Variants in SPAG6 observed in about 807,000 individuals in gnomAD.
The protein encoded by SPAG6 is sperm associated antigen 6.
Under a neutral mutation model 58.5 loss-of-function variants are expected in SPAG6, and 49 were observed. The observed-to-expected ratio is 0.84, with a 90% confidence interval of 0.67 to 1.06. The LOEUF (loss-of-function observed/expected upper bound fraction) is 1.06. Among genes scored for constraint, SPAG6 ranks in the 50% least tolerant of loss-of-function variants. SPAG6 has a pLI of 0.00. For missense variants in SPAG6, 560 were observed against 611.3 expected (o/e 0.92, Z 0.89); for synonymous variants, 233 against 225.6 (o/e 1.03, Z -0.29).
At chr10:22,368,427 G>T in intron 3 of SPAG6, 68 bp from the exon 4 acceptor site, 1 of 1,238,462 alleles carries the variant, frequency 8.1e-7, no homozygotes, top group Non-Finnish European at 1.1e-6. Flanking sequence ...TGTAGTTTTG[G>T]TCTATTTTAG....
intron 8 of SPAG6, among the ~76,000 whole-genome samples, chr10:22,398,896 G>A (rs774463072): frequency 3.9e-5 from 6 of 152,010 alleles, no homozygotes; most frequent in South Asian, 2.1e-4. Flanking sequence ...TCAGCTTACC[G>A]CAACCTCCGC....
At chr10:22,378,186 C>T (rs1346774466) in intron 4 of SPAG6, among the ~76,000 whole-genome samples, 2 of 151,254 alleles carry the variant, frequency 1.3e-5, no homozygotes, top group African/African-American at 4.9e-5. Flanking sequence ...ACCTCAGCCT[C>T]TCGAGTAGCT....
intron 2 of SPAG6, among the ~76,000 whole-genome samples, chr10:22,353,606 T>C (rs950589905): frequency 2.6e-5 from 4 of 152,262 alleles, no homozygotes; most frequent in African/African-American, 9.6e-5. Flanking sequence ...TGCACATTAA[T>C]TTCCACAGCT....
At chr10:22,365,864 TATC>T (rs771570051) in intron 3 of SPAG6, among the ~76,000 whole-genome samples, 11 of 152,094 alleles carry the variant, frequency 7.2e-5, no homozygotes, top group Non-Finnish European at 4.4e-5. Context: ...CACAATGAGG[TATC>T]ACTTCATACC....
At chr10:22,356,869 C>A (rs73596602) in intron 2 of SPAG6, among the ~76,000 whole-genome samples, 1,669 of 152,236 alleles carry the variant, frequency 0.011, 41 homozygotes, top group African/African-American at 0.038. Flanking sequence ...TCAGAGTGAT[C>A]CTTCTTTACA....
intron 4 of SPAG6, among the ~76,000 whole-genome samples, chr10:22,375,670 C>T (rs1304265243): frequency 6.6e-6 from 1 of 150,558 alleles, no homozygotes; most frequent in East Asian, 1.9e-4. Context: ...CTTCCCCCTC[C>T]CAGGTTCAAG....
Position 22,395,205 on chromosome 10 carries a change from A to T in SPAG6, c.1197+3285A>T, listed in dbSNP as rs111430128. Among the ~76,000 whole-genome samples, 265 of 152,326 alleles carry T rather than the reference A, an allele frequency of 1.7e-3. 4 individuals are homozygous for T. The highest frequency in any genetic ancestry group is 5.8e-3 in the African/African-American group (241 of 41,580). ...ACTATTATGAATAATGCTGTTATAA[A>T]CATTATTGTAACAAGTTTTCGTGTG... On this transcript the variant is annotated intron_variant, in intron 8 of 10. Transcript: ENST00000376624.
rs1257765885 is a variant in SPAG6 at position 22,391,800 on chromosome 10, C to G, written c.1077C>G (p.Ala359=). The G allele has an allele frequency of 6.2e-7, 1 of 1,613,584 alleles. No individual in the cohort carries two copies. Among genetic ancestry groups the G allele is most frequent in the African/African-American group, 1.3e-5 (1 of 74,952 alleles). The change falls in exon 8 of 11, where the codon GCC becomes GCG. Residue 359 remains alanine (A), a synonymous_variant. Transcript: ENST00000376624. ...EDHIKAAAAW[A]LGQIGRHTPE... ...ATATTAAGGCTGCAGCTGCTTGGGC[C>G]TTAGGACAGATTGGAAGACACACTC...
chr10:22,391,930 T>A lies in SPAG6; in HGVS notation c.1197+10T>A. Reference sequence around the variant, plus strand: ...GGATCTCCAAGTAAAAGTAAGTGCTTAATTCTGTTTTATGAAGATTTTGGC... The same window carrying A: ...GGATCTCCAAGTAAAAGTAAGTGCTAAATTCTGTTTTATGAAGATTTTGGC... On this transcript the variant is annotated intron_variant, in intron 8 of 10. Coordinates refer to ENST00000376624, the MANE Select transcript of SPAG6 (RefSeq NM_012443.4). The A allele has an allele frequency of 6.3e-7, 1 of 1,586,314 alleles. No homozygotes were observed. Among genetic ancestry groups the A allele is most frequent in the Non-Finnish European group, 8.6e-7 (1 of 1,160,006 alleles).
At chr10:22,400,518 G>A (rs1255762584) in intron 8 of SPAG6, among the ~76,000 whole-genome samples, 1 of 151,822 alleles carries the variant, frequency 6.6e-6, no homozygotes, top group Non-Finnish European at 1.5e-5. Flanking sequence ...GGAGGGGGTA[G>A]AAATGGTACA....
intron 4 of SPAG6, among the ~76,000 whole-genome samples, chr10:22,378,841 T>C (rs1019878529): frequency 6.6e-6 from 1 of 152,218 alleles, no homozygotes; most frequent in African/African-American, 2.4e-5. Context: ...TTGAGTCCTG[T>C]GAGAGCTGCC....
chr10:22,350,821 G>C (rs529127655), intron 2 of SPAG6, among the ~76,000 whole-genome samples: 39 of 138,720 alleles, frequency 2.8e-4, no homozygotes, highest in African/African-American at 1.4e-3. Flanking sequence ...TAAATTCCAT[G>C]CATAGCATAA....
At chr10:22,409,504 G>T (rs1834669639) in intron 9 of SPAG6, among the ~76,000 whole-genome samples, 1 of 152,168 alleles carries the variant, frequency 6.6e-6, no homozygotes, top group Non-Finnish European at 1.5e-5. Context: ...TTATAATCTA[G>T]CTGAGGAGAG....
chr10:22,405,145 T>G (rs549073265), intron 9 of SPAG6, among the ~76,000 whole-genome samples: 1 of 152,128 alleles, frequency 6.6e-6, no homozygotes, highest in African/African-American at 2.4e-5. Context: ...TCCTGCCTAA[T>G]TGCCCTGGCC....
intron 10 of SPAG6, among the ~76,000 whole-genome samples, chr10:22,411,840 CTTTTTTTTTTTTTTTT>C (rs546172800): frequency 3.0e-5 from 2 of 66,750 alleles, no homozygotes; most frequent in African/African-American, 1.2e-4. Context: ...ACAACTGAAT[CTTTTTTTTTTTTTTTT>C]TTTTTTTTTT....
intron 10 of SPAG6, 142 bp downstream of exon 10, chr10:22,411,318 C>CCTG: frequency 1.7e-6 from 1 of 595,026 alleles, no homozygotes; most frequent in Non-Finnish European, 2.8e-6. Flanking sequence ...CTCTCTTGAT[C>CCTG]TCTTCCCCCT....
Position 22,386,840 on chromosome 10 carries a change from G to T in SPAG6, c.559G>T (p.Ala187Ser), listed in dbSNP as rs763445774. Residue 187 changes from alanine to serine, a missense_variant, in exon 5 of 11, where the codon GCT becomes TCT. Ala to Ser is a moderately conservative substitution (Grantham distance 99, BLOSUM62 1). Coordinates refer to ENST00000376624, the MANE Select transcript of SPAG6 (RefSeq NM_012443.4). ...GCCAGAAATTGCTTTGAAAAGGATT[G>T]CTGCTTCGGCCCTCAGTGATATTGC... ...QEPEIALKRI[A>S]ASALSDIAKH... 1.2e-6 allele frequency: 2 copies of T among 1,613,684 alleles called. No individual in the cohort carries two copies. Among genetic ancestry groups the T allele is most frequent in the South Asian group, 1.1e-5 (1 of 91,076 alleles).
chr10:22,383,789 G>A (rs1361839528), intron 4 of SPAG6, among the ~76,000 whole-genome samples: 1 of 152,136 alleles, frequency 6.6e-6, no homozygotes. Flanking sequence ...ACTTGTAGTG[G>A]CCTGTTCATG....
At chr10:22,380,429 G>A (rs1364047937) in intron 4 of SPAG6, among the ~76,000 whole-genome samples, 4 of 152,084 alleles carry the variant, frequency 2.6e-5, no homozygotes, top group South Asian at 4.2e-4. Context: ...TCAGCCTCCC[G>A]AGTAGCTACA....
Sources: allele counts gnomAD v4.1 joint callset (sites outside exome capture counted in the v4.1 genomes callset), GRCh38; gene constraint gnomAD v4.1.1; transcripts MANE v1.5; gene names NCBI Gene and HGNC (gene_info 2026-07-23, HGNC 2026-07-21).